KIAA1217: variants seen among roughly 807,000 people sequenced by gnomAD.
The protein encoded by KIAA1217 is sickle tail protein homolog.
Under a neutral mutation model 163.9 loss-of-function variants are expected in KIAA1217, and 88 were observed. The ratio of observed to expected loss-of-function variants is 0.54; its 90% confidence interval spans 0.45 to 0.64. The LOEUF is 0.64. KIAA1217 is among the 30% of genes least tolerant of loss of function. The pLI is 0.00. For missense variants in KIAA1217, 2,372 were observed against 2,475.0 expected (o/e 0.96, Z 0.88); for synonymous variants, 903 against 923.1 (o/e 0.98, Z 0.39).
At chr10:24,101,006 C>A (rs1388910491) in intron 2 of KIAA1217, among the ~76,000 whole-genome samples, 2 of 152,188 alleles carry the variant, frequency 1.3e-5, no homozygotes, top group African/African-American at 4.8e-5. Context: ...GCCCTGCTAA[C>A]AAACATCCTT....
At chr10:23,897,861 C>CA (rs1203368322) in intron 1 of KIAA1217, among the ~76,000 whole-genome samples, 4 of 151,882 alleles carry the variant, frequency 2.6e-5, no homozygotes, top group African/African-American at 9.7e-5. Flanking sequence ...TAGTATGTTA[C>CA]AAAAAATAAT....
intron 2 of KIAA1217, among the ~76,000 whole-genome samples, chr10:24,036,947 T>C (rs538560069): frequency 1.2e-4 from 18 of 152,252 alleles, no homozygotes; most frequent in African/African-American, 4.3e-4. Context: ...CCTTTCTGAA[T>C]AGGCCAAAGG....
At chr10:24,105,361 G>T (rs1232270864) in intron 2 of KIAA1217, among the ~76,000 whole-genome samples, 2 of 152,186 alleles carry the variant, frequency 1.3e-5, no homozygotes, top group African/African-American at 2.4e-5. Flanking sequence ...GTAGGTGCAG[G>T]AGAAGGAAGA....
intron 5 of KIAA1217, among the ~76,000 whole-genome samples, chr10:24,444,051 A>G (rs2060716433): frequency 6.6e-6 from 1 of 152,046 alleles, no homozygotes; most frequent in African/African-American, 2.4e-5. Flanking sequence ...TCACTCTGTC[A>G]CCGGGCTGGA....
intron 1 of KIAA1217, among the ~76,000 whole-genome samples, chr10:23,724,375 A>G (rs1196546301): frequency 6.6e-6 from 1 of 152,156 alleles, no homozygotes; most frequent in African/African-American, 2.4e-5. Context: ...TTATTTCTGT[A>G]TATATTTTTC....
intron 1 of KIAA1217, among the ~76,000 whole-genome samples, chr10:23,711,386 G>A (rs557253506): frequency 6.6e-6 from 1 of 152,298 alleles, no homozygotes; most frequent in East Asian, 1.9e-4. Flanking sequence ...GAGGGTCACA[G>A]AAGATGTGAT....
At chr10:24,511,928 TG>T (rs2069233871) in intron 9 of KIAA1217, among the ~76,000 whole-genome samples, 1 of 152,178 alleles carries the variant, frequency 6.6e-6, no homozygotes, top group Non-Finnish European at 1.5e-5. Flanking sequence ...CGAGTCTCCA[TG>T]ACCAACCTAC....
At chr10:24,315,331 C>G (rs1035966520) in intron 2 of KIAA1217, among the ~76,000 whole-genome samples, 2 of 152,170 alleles carry the variant, frequency 1.3e-5, no homozygotes, top group Non-Finnish European at 2.9e-5. Context: ...GAATGATCTC[C>G]CGCTTCAGAA....
Position 23,725,518 on chromosome 10 carries a change from G to T in KIAA1217, c.-321+30284G>T, listed in dbSNP as rs150869252. Among the ~76,000 whole-genome samples the T allele has an allele frequency of 3.3e-3, 498 of 152,236 alleles. 4 individuals are homozygous for T. Among genetic ancestry groups the T allele is most frequent in the African/African-American group, 0.011 (455 of 41,526 alleles). ...TGAAATTTCAGTTATTTTCCTGAGG[G>T]TAACATTATGATTGCATTCATGTAT... On this transcript the variant is annotated intron_variant, in intron 1 of 18. Transcript: ENST00000376462.
At chr10:23,942,781 A>G (rs965666446) in intron 1 of KIAA1217, among the ~76,000 whole-genome samples, 7 of 152,138 alleles carry the variant, frequency 4.6e-5, no homozygotes, top group Admixed American at 4.6e-4. Context: ...TATTCAACAC[A>G]GTATTGAAAA....
At chr10:24,502,721 C>T (rs1029260955) in intron 9 of KIAA1217, among the ~76,000 whole-genome samples, 1 of 152,178 alleles carries the variant, frequency 6.6e-6, no homozygotes, top group Admixed American at 6.5e-5. Flanking sequence ...GGCCAGGTGT[C>T]ATGGCTCATG....
At chr10:23,702,506 A>C (rs1016677421) in intron 1 of KIAA1217, among the ~76,000 whole-genome samples, 2 of 152,180 alleles carry the variant, frequency 1.3e-5, no homozygotes, top group African/African-American at 4.8e-5. Context: ...ATTCAAAAAT[A>C]ATACTATAGT....
intron 2 of KIAA1217, among the ~76,000 whole-genome samples, chr10:24,203,570 C>T (rs2067384386): frequency 6.6e-6 from 1 of 151,742 alleles, no homozygotes; most frequent in South Asian, 2.1e-4. Flanking sequence ...CAACCCCCAC[C>T]TCCACAGGTC....
intron 5 of KIAA1217, among the ~76,000 whole-genome samples, chr10:24,463,964 C>A (rs2062688081): frequency 6.6e-6 from 1 of 152,124 alleles, no homozygotes; most frequent in African/African-American, 2.4e-5. Flanking sequence ...GTAATCAAAC[C>A]AAAGCGTGGG....
chr10:24,306,714 C>T (rs1389575964), intron 2 of KIAA1217, among the ~76,000 whole-genome samples: 7 of 152,224 alleles, frequency 4.6e-5, no homozygotes, highest in South Asian at 2.1e-4. Context: ...AATAACTCAG[C>T]TTTAGTCAGT....
chr10:23,763,426 T>A (rs1010755186), intron 1 of KIAA1217, among the ~76,000 whole-genome samples: 7 of 152,044 alleles, frequency 4.6e-5, no homozygotes, highest in African/African-American at 1.5e-4. Context: ...TATAGACCAA[T>A]GGATCAGAAC....
intron 2 of KIAA1217, among the ~76,000 whole-genome samples, chr10:24,040,926 A>G (rs1339599245): frequency 1.3e-5 from 2 of 152,228 alleles, no homozygotes; most frequent in African/African-American, 4.8e-5. Context: ...GGCAAAAATT[A>G]CTATACCGAC....
intron 3 of KIAA1217, among the ~76,000 whole-genome samples, chr10:24,388,836 C>A (rs7893429): frequency 0.15 from 18,768 of 123,816 alleles, 4,112 homozygotes; most frequent in African/African-American, 0.52. Context: ...CAGAGAAATG[C>A]AAATCAATCC....
chr10:24,039,437 C>G (rs997551352), intron 2 of KIAA1217, among the ~76,000 whole-genome samples: 6 of 152,096 alleles, frequency 3.9e-5, no homozygotes, highest in Admixed American at 2.0e-4. Flanking sequence ...AATACTCCCT[C>G]GATATGCTGG....
Sources: allele counts gnomAD v4.1 joint callset (sites outside exome capture counted in the v4.1 genomes callset), GRCh38; gene constraint gnomAD v4.1.1; transcripts MANE v1.5; gene names NCBI Gene and HGNC (gene_info 2026-07-23, HGNC 2026-07-21).